Variants in PBX1 observed in about 807,000 individuals in gnomAD.
The protein encoded by PBX1 is pre-B-cell leukemia transcription factor 1.
Under a neutral mutation model 53.4 loss-of-function variants are expected in PBX1, and 6 were observed. The observed-to-expected ratio is 0.11, with a 90% confidence interval of 0.06 to 0.22. The LOEUF (loss-of-function observed/expected upper bound fraction) is 0.22, where lower values mean the gene tolerates loss of function less well. PBX1 is among the 10% of genes least tolerant of loss of function. PBX1 has a pLI of 1.00. For synonymous variants in PBX1, 204 were observed against 212.3 expected, an observed-to-expected ratio of 0.96 and a Z score of 0.34; for missense variants, 251 against 551.4, an observed-to-expected ratio of 0.46 and a Z score of 5.46.
At chr1:164,765,706 C>T (rs1483090194) in intron 2 of PBX1, among the ~76,000 whole-genome samples, 1 of 152,088 alleles carries the variant, frequency 6.6e-6, no homozygotes, top group Non-Finnish European at 1.5e-5. Context: ...ACTGACTCTC[C>T]CAGAGTCAGA....
chr1:164,844,112 TTTC>T (rs535808162), intron 8 of PBX1, among the ~76,000 whole-genome samples: 10,086 of 131,230 alleles, frequency 0.077, 378 homozygotes, highest in South Asian at 0.16. Context: ...TCTTTCTTTC[TTTC>T]TTTTTTTTTT....
intron 2 of PBX1, among the ~76,000 whole-genome samples, chr1:164,599,089 G>A (rs114153914): frequency 2.5e-5 from 1 of 39,562 alleles, no homozygotes; most frequent in Non-Finnish European, 5.4e-5. Context: ...TTTTTTTTTT[G>A]CAAAGAAGAG....
chr1:164,655,100 G>GTTTTTTTTTTTTTTTTTT (rs35954587), intron 2 of PBX1, among the ~76,000 whole-genome samples: 4 of 138,822 alleles, frequency 2.9e-5, no homozygotes, highest in Non-Finnish European at 4.6e-5. Flanking sequence ...TCTGATGTGT[G>GTTTTTTTTTTTTTTTTTT]TTTTTTTTTT....
intron 2 of PBX1, among the ~76,000 whole-genome samples, chr1:164,714,214 A>G (rs1239144050): frequency 6.6e-6 from 1 of 152,226 alleles, no homozygotes; most frequent in East Asian, 1.9e-4. Flanking sequence ...GAAATCTTTT[A>G]TATTGTCTTC....
chr1:164,579,570 C>G (rs1008760689), intron 2 of PBX1, among the ~76,000 whole-genome samples: 1 of 152,206 alleles, frequency 6.6e-6, no homozygotes, highest in Admixed American at 6.5e-5. Context: ...CAGACCAGCC[C>G]TGGAGGCGTC....
chr1:164,726,944 A>G (rs147269666), intron 2 of PBX1, among the ~76,000 whole-genome samples: 136 of 152,300 alleles, frequency 8.9e-4, no homozygotes, highest in African/African-American at 3.2e-3. Flanking sequence ...AGATTCACTT[A>G]TGCTTCCATA....
chr1:164,766,292 G>C (rs534458687), intron 2 of PBX1, among the ~76,000 whole-genome samples: 1 of 152,314 alleles, frequency 6.6e-6, no homozygotes, highest in South Asian at 2.1e-4. Context: ...AGTGATTGTA[G>C]AAACATAAAG....
At chr1:164,832,071 TGTG>T (rs1191910686) in intron 8 of PBX1, among the ~76,000 whole-genome samples, 5 of 152,232 alleles carry the variant, frequency 3.3e-5, no homozygotes, top group Non-Finnish European at 5.9e-5. Flanking sequence ...TGAATTATAG[TGTG>T]ATTACCTCAC....
intron 2 of PBX1, among the ~76,000 whole-genome samples, chr1:164,701,311 C>T (rs1663107887): frequency 1.3e-5 from 2 of 152,144 alleles, no homozygotes; most frequent in Admixed American, 1.3e-4. Context: ...TTGAACTTCA[C>T]CAATTGTTAT....
intron 8 of PBX1, among the ~76,000 whole-genome samples, chr1:164,825,717 A>G (rs1328863370): frequency 6.6e-6 from 1 of 152,190 alleles, no homozygotes; most frequent in Non-Finnish European, 1.5e-5. Context: ...TTGCAGACAT[A>G]ATTATCCTCA....
chr1:164,712,303 C>T (rs1378999096), intron 2 of PBX1, among the ~76,000 whole-genome samples: 1 of 151,994 alleles, frequency 6.6e-6, no homozygotes, highest in Non-Finnish European at 1.5e-5. Flanking sequence ...TCTGTGTGGC[C>T]CATATGTTTC....
intron 2 of PBX1, among the ~76,000 whole-genome samples, chr1:164,727,893 T>C (rs1220512485): frequency 1.3e-5 from 2 of 152,224 alleles, no homozygotes; most frequent in Non-Finnish European, 2.9e-5. Context: ...CTTAACCTCA[T>C]TGATGTTTTA....
At chr1:164,616,892 C>T (rs1657315025) in intron 2 of PBX1, among the ~76,000 whole-genome samples, 1 of 152,118 alleles carries the variant, frequency 6.6e-6, no homozygotes, top group Non-Finnish European at 1.5e-5. Flanking sequence ...TTCTGATTTA[C>T]AGATTTTGAG....
At chr1:164,874,869 G>T (rs2102458622) in intron 2 of PBX1, among the ~76,000 whole-genome samples, 1 of 152,286 alleles carries the variant, frequency 6.6e-6, no homozygotes, top group East Asian at 1.9e-4. Flanking sequence ...AGGTGGAATT[G>T]TTACAGATCA....
intron 8 of PBX1, among the ~76,000 whole-genome samples, chr1:164,832,245 A>G (rs1305396547): frequency 6.6e-6 from 1 of 152,154 alleles, no homozygotes; most frequent in African/African-American, 2.4e-5. Context: ...CATTTTGGAG[A>G]CCGAATGATA....
chr1:164,719,488 T>C (rs1475505322), intron 2 of PBX1, among the ~76,000 whole-genome samples: 1 of 152,142 alleles, frequency 6.6e-6, no homozygotes, highest in Non-Finnish European at 1.5e-5. Flanking sequence ...CTACAGGAAA[T>C]CAGGGAGTAG....
At chr1:164,638,879 G>A (rs911131969) in intron 2 of PBX1, among the ~76,000 whole-genome samples, 2 of 152,308 alleles carry the variant, frequency 1.3e-5, no homozygotes, top group South Asian at 4.1e-4. Context: ...CGTTTGGAAC[G>A]GAATGCTTAA....
chr1:164,845,041 C>T (rs941811329), intron 8 of PBX1, among the ~76,000 whole-genome samples: 1 of 152,096 alleles, frequency 6.6e-6, no homozygotes, highest in Non-Finnish European at 1.5e-5. Context: ...CTTGGCATTG[C>T]TCAGGATGCC....
At chr1:164,723,133 T>C (rs1664499141) in intron 2 of PBX1, among the ~76,000 whole-genome samples, 1 of 152,156 alleles carries the variant, frequency 6.6e-6, no homozygotes, top group African/African-American at 2.4e-5. Context: ...ATGTACCAGA[T>C]TGTACATGTA....
Sources: gnomAD v4.1 joint callset for allele counts (sites outside exome capture counted in the v4.1 genomes callset) on GRCh38, gnomAD v4.1.1 for gene constraint, MANE v1.5 for transcripts, NCBI Gene and HGNC (gene_info 2026-07-23, HGNC 2026-07-21) for gene names.